FAM167A: variants seen among roughly 807,000 people sequenced by gnomAD.
FAM167A encodes protein FAM167A.
A neutral mutation model predicts 14.9 loss-of-function variants in FAM167A; 23 were observed. That is an observed-to-expected ratio of 1.55 (90% CI 1.11 to 2.19). FAM167A has a LOEUF of 2.19. FAM167A is among the 30% of genes most tolerant of loss of function. The probability of loss-of-function intolerance (pLI) is 0.00; values close to 1 mark genes in which losing one functional copy is unlikely to be tolerated. For missense variants in FAM167A, 401 were observed against 281.5 expected (o/e 1.42, Z -3.04); for synonymous variants, 174 against 117.7 (o/e 1.48, Z -3.10).
chr8:11,446,236 C>T (rs1585262044), intron 1 of FAM167A, among the ~76,000 whole-genome samples: 1 of 152,272 alleles, frequency 6.6e-6, no homozygotes, highest in East Asian at 1.9e-4. Flanking sequence ...ACTTTCCAGT[C>T]CAGACGTTTT....
intron 2 of FAM167A, among the ~76,000 whole-genome samples, chr8:11,427,523 A>C (rs1446057420): frequency 6.6e-6 from 1 of 152,214 alleles, no homozygotes; most frequent in African/African-American, 2.4e-5. Context: ...GATTAGAAAA[A>C]TGAGCCCTGA....
At chr8:11,472,517 G>A (rs1484195418), upstream of FAM167A, among the ~76,000 whole-genome samples, 1 of 141,062 alleles carries the variant, frequency 7.1e-6, no homozygotes, top group Non-Finnish European at 1.5e-5. Flanking sequence ...TCGGCTCACT[G>A]CAACCTCCGT....
At chr8:11,453,298 A>G (rs1414077762) in intron 1 of FAM167A, among the ~76,000 whole-genome samples, 1 of 152,214 alleles carries the variant, frequency 6.6e-6, no homozygotes. Context: ...TCAGCCTCCC[A>G]AGTAGCTGGA....
intron 2 of FAM167A, chr8:11,435,219 C>A: frequency 2.3e-6 from 1 of 430,770 alleles, no homozygotes; most frequent in Non-Finnish European, 4.7e-6. Flanking sequence ...GGTCCCTTCT[C>A]CACCTGTCAC....
chr8:11,452,335 A>G (rs1807060679), intron 1 of FAM167A, among the ~76,000 whole-genome samples: 1 of 152,246 alleles, frequency 6.6e-6, no homozygotes, highest in African/African-American at 2.4e-5. Flanking sequence ...TGCAAAATGG[A>G]TACATGCTGG....
chr8:11,465,888 C>T (rs1384500459), intron 1 of FAM167A, among the ~76,000 whole-genome samples: 4 of 152,240 alleles, frequency 2.6e-5, no homozygotes, highest in South Asian at 4.1e-4. Flanking sequence ...AGTCAACCCT[C>T]CTTCCAGATC....
chr8:11,450,282 A>C lies in FAM167A; in HGVS notation c.-397-5474T>G, dbSNP rs77187937. ...ACCCAGGACAACCCGAGCACATCAG[A>C]GAAACAATTATGTCATCGCAACATT... On this transcript the variant is annotated intron_variant, in intron 1 of 2. Coordinates refer to ENST00000284486, the MANE Select transcript of FAM167A (RefSeq NM_053279.3). Among the ~76,000 whole-genome samples the C allele has an allele frequency of 1.1e-3, 167 of 152,326 alleles. 2 individuals are homozygous for C. Among genetic ancestry groups the C allele is most frequent in the East Asian group, 0.01 (52 of 5,172 alleles).
chr8:11,444,046 C>A lies in FAM167A; in HGVS notation c.366G>T (p.Trp122Cys). The A allele has an allele frequency of 6.2e-7, 1 of 1,612,372 alleles. No homozygotes were observed. The highest frequency in any genetic ancestry group is 8.5e-7 in the Non-Finnish European group (1 of 1,179,256). ...GFQSIDEAIAWLRKELTEMRL... is the reference protein window; with the variant it reads ...GFQSIDEAIACLRKELTEMRL... ...AGCCACTCACCAGTTCCTTCCTGAG[C>A]CAGGCTATAGCTTCATCGATGCTCT... Residue 122 changes from tryptophan (W) to cysteine (C), a missense_variant, in exon 2 of 3, where the codon TGG (tryptophan) becomes TGT (cysteine). By Grantham distance (215) the Trp-to-Cys change is radical. Coordinates refer to ENST00000284486, the MANE Select transcript of FAM167A (RefSeq NM_053279.3).
chr8:11,459,376 G>T (rs1366685548), intron 1 of FAM167A, among the ~76,000 whole-genome samples: 1 of 152,258 alleles, frequency 6.6e-6, no homozygotes, highest in Non-Finnish European at 1.5e-5. Context: ...TAACAGGCAT[G>T]TGAGCTTTAT....
chr8:11,465,170 G>T (rs1041143450), intron 1 of FAM167A, among the ~76,000 whole-genome samples: 4 of 152,298 alleles, frequency 2.6e-5, no homozygotes, highest in Non-Finnish European at 4.4e-5. Flanking sequence ...GCTCCACAGG[G>T]TTCCTCAAGC....
intron 2 of FAM167A, among the ~76,000 whole-genome samples, chr8:11,436,250 G>T (rs530343941): frequency 6.6e-6 from 1 of 152,308 alleles, no homozygotes; most frequent in South Asian, 2.1e-4. Flanking sequence ...CCACTCAGGG[G>T]TGTCCTTAGC....
intron 2 of FAM167A, among the ~76,000 whole-genome samples, chr8:11,437,885 C>T (rs929511510): frequency 6.6e-6 from 1 of 152,186 alleles, no homozygotes; most frequent in Non-Finnish European, 1.5e-5. Flanking sequence ...GAGGAATTTG[C>T]GTATTTCCCT....
chr8:11,428,031 T>C (rs1805305903), intron 2 of FAM167A, among the ~76,000 whole-genome samples: 1 of 152,222 alleles, frequency 6.6e-6, no homozygotes, highest in Admixed American at 6.5e-5. Context: ...CGAACACCCA[T>C]TGCCTTAGTA....
intron 2 of FAM167A, 43 bp downstream of exon 2, chr8:11,443,988 G>A (rs202043880): frequency 8.4e-4 from 1,318 of 1,571,170 alleles, no homozygotes; most frequent in Non-Finnish European, 1.0e-3. Flanking sequence ...GAGAGACGGT[G>A]GCATCTCCTC....
intron 1 of FAM167A, among the ~76,000 whole-genome samples, chr8:11,448,703 T>C (rs770878096): frequency 2.6e-5 from 4 of 152,232 alleles, no homozygotes; most frequent in Non-Finnish European, 4.4e-5. Context: ...AACCATTCCA[T>C]GCCTGCTCCC....
intron 1 of FAM167A, among the ~76,000 whole-genome samples, chr8:11,447,962 G>A (rs1205942102): frequency 1.3e-5 from 2 of 152,168 alleles, no homozygotes; most frequent in South Asian, 2.1e-4. Context: ...TTGGGAGGCC[G>A]AGGCGGGTGG....
intron 2 of FAM167A, among the ~76,000 whole-genome samples, chr8:11,428,527 G>C (rs142331673): frequency 6.6e-6 from 1 of 152,230 alleles, no homozygotes; most frequent in Non-Finnish European, 1.5e-5. Flanking sequence ...CCCTGCTTGC[G>C]CTCTGAGAGA....
At chr8:11,441,240 G>A (rs76178718) in intron 2 of FAM167A, among the ~76,000 whole-genome samples, 1 of 152,238 alleles carries the variant, frequency 6.6e-6, no homozygotes, top group Non-Finnish European at 1.5e-5. Context: ...ACAGGGCTCA[G>A]AGCTCCCGCT....
At chr8:11,433,213 AT>A (rs1376529514) in intron 2 of FAM167A, among the ~76,000 whole-genome samples, 2 of 151,538 alleles carry the variant, frequency 1.3e-5, no homozygotes, top group African/African-American at 4.9e-5. Context: ...ATAAAAAAAA[AT>A]AAAAAATAAA....
Sources: allele counts gnomAD v4.1 joint callset (sites outside exome capture counted in the v4.1 genomes callset), GRCh38; gene constraint gnomAD v4.1.1; transcripts MANE v1.5; gene names NCBI Gene and HGNC (gene_info 2026-07-23, HGNC 2026-07-21).